Variants in AQP3 observed in about 807,000 individuals in gnomAD.
AQP3 encodes the protein aquaporin-3.
Under a neutral mutation model 30.3 loss-of-function variants are expected in AQP3, and 15 were observed. The observed-to-expected ratio is 0.49, with a 90% CI of 0.33 to 0.76. The LOEUF is 0.76. AQP3 is among the 30% of genes least tolerant of loss of function. The pLI is 0.02. For synonymous variants in AQP3, 153 were observed against 163.2 expected (o/e 0.94, Z 0.47); for missense variants, 272 against 384.8 (o/e 0.71, Z 2.45).
Position 33,442,203 on chromosome 9 carries a change from T to C in AQP3, c.719A>G (p.Gln240Arg). ...GWGSAVFTTG[Q>R]HWWWVPIVSP... The stretch of plus-strand genomic sequence containing the variant: ...CACGATGGGCACCCACCACCAATGC[T>C]GGCCGGTCCTGGGGGGACAGACACT... The change falls in exon 6 of 6, where the codon CAG (glutamine) becomes CGG (arginine). Residue 240 changes from glutamine (Q) to arginine (R), a missense_variant. Physicochemically the swap from Gln to Arg is conservative, Grantham distance 43 (BLOSUM62 1). This residue lies in a region of AQP3 where 170 missense variants were observed against 286.4 expected (regional missense o/e 0.59). Transcript: ENST00000297991. The C allele has an allele frequency of 6.2e-7, 1 of 1,611,930 alleles. No individual in the cohort carries two copies. Among genetic ancestry groups the C allele is most frequent in the Non-Finnish European group, 8.5e-7 (1 of 1,179,394 alleles).
chr9:33,447,048 C>T (rs561471772), intron 1 of AQP3, among the ~76,000 whole-genome samples: 15 of 152,328 alleles, frequency 9.8e-5, no homozygotes, highest in Non-Finnish European at 1.8e-4. Flanking sequence ...CCCTCCCCTA[C>T]ATCTGGGGGC....
chr9:33,444,656 C>T (rs1587200149), intron 1 of AQP3, among the ~76,000 whole-genome samples: 1 of 151,122 alleles, frequency 6.6e-6, no homozygotes, highest in Non-Finnish European at 1.5e-5. Flanking sequence ...GTAGTGGTGG[C>T]AATGGGCGGC....
intron 4 of AQP3, 111 bp downstream of exon 4, chr9:33,442,741 A>G (rs1263185425): frequency 4.1e-5 from 49 of 1,203,322 alleles, no homozygotes; most frequent in Non-Finnish European, 6.1e-5. Flanking sequence ...TACCCCACAG[A>G]TTGGAGAAAC....
Position 33,443,676 on chromosome 9 carries a change from C to T in AQP3, c.235+90G>A. ...CTTTCCCAAGGGGCCAAAGCAGAGGCCACAGCTGTGACCTGCCCTTAGGAA... is the reference window on the plus strand; with the variant it reads ...CTTTCCCAAGGGGCCAAAGCAGAGGTCACAGCTGTGACCTGCCCTTAGGAA... On this transcript the variant is annotated intron_variant, in intron 2 of 5. Transcript: ENST00000297991. This position sits in a 1 kb window ranked among gnomAD's most constrained non-coding sequence, Gnocchi z 5.0. 2 of 1,590,582 alleles carry T rather than the reference C, an allele frequency of 1.3e-6. No individual in the cohort carries two copies. The highest frequency in any genetic ancestry group is 1.7e-6 in the Non-Finnish European group (2 of 1,161,412).
rs1315200449 is a variant in AQP3, at chr9:33,441,557, G to A, written c.*486C>T. ...ACACAGAAACACATATCTATCTGCA[G>A]CTCCTCCATGTGAAGCCCCTGAAAC... is the stretch of plus-strand genomic sequence containing the variant. On this transcript the variant is annotated 3_prime_UTR_variant, in exon 6 of 6. Coordinates refer to ENST00000297991, the MANE Select transcript of AQP3 (RefSeq NM_004925.5). The A allele has an allele frequency of 4.9e-6, 1 of 204,234 alleles. No homozygotes were observed. Among genetic ancestry groups the A allele is most frequent in the Non-Finnish European group, 9.8e-6 (1 of 101,638 alleles). The allele number at this position is 204,234 out of a possible 1,614,324, so 12.7% of individuals were successfully genotyped here. A position where few individuals can be genotyped will look rare whatever the true frequency, so the allele number is the denominator to read the frequency against.
chr9:33,441,521 GACATAC>G lies in AQP3; in HGVS notation c.*516_*521del, dbSNP rs533076927. The stretch of plus-strand genomic sequence containing the variant: ...AAGCCCCCACTTAGAAAAAAAGGCA[GACATAC>G]ACATACACAGAAACACATATCTATC... On this transcript the variant is annotated 3_prime_UTR_variant, in exon 6 of 6. Coordinates refer to ENST00000297991, the MANE Select transcript of AQP3 (RefSeq NM_004925.5). 160 of 165,038 alleles carry G rather than the reference GACATAC, an allele frequency of 9.7e-4. No homozygotes were observed. Among genetic ancestry groups the G allele is most frequent in the African/African-American group, 3.4e-3 (143 of 42,074 alleles). 10.2% of individuals were successfully genotyped at this position (165,038 alleles called of 1,614,324 possible). A position where few individuals can be genotyped will look rare whatever the true frequency, so the allele number is the denominator to read the frequency against.
In AQP3 at chr9:33,442,498, A is replaced by G; in HGVS notation, c.513T>C (p.Leu171=). Residue 171 remains leucine (L), a synonymous_variant, in exon 5 of 6, where the codon CTT becomes CTC. Coordinates refer to ENST00000297991, the MANE Select transcript of AQP3 (RefSeq NM_004925.5). The part of the protein sequence containing the change: ...FFDQFIGTAS[L]IVCVLAIVDP... ...CAACAATGGCCAGCACACACACGATAAGGGAGGCTGTGCCTATGAACTGGG... is the reference window on the plus strand; with the variant it reads ...CAACAATGGCCAGCACACACACGATGAGGGAGGCTGTGCCTATGAACTGGG... 1 of 1,609,040 alleles carries G rather than the reference A, an allele frequency of 6.2e-7. No individual in the cohort carries two copies. Among genetic ancestry groups the G allele is most frequent in the Non-Finnish European group, 8.5e-7 (1 of 1,178,318 alleles).
chr9:33,444,564 C>T (rs1826888425), intron 1 of AQP3, among the ~76,000 whole-genome samples: 1 of 148,402 alleles, frequency 6.7e-6, no homozygotes, highest in Non-Finnish European at 1.5e-5. Context: ...TGCGCCACTG[C>T]ACTTCAGCCT....
rs574189949 is a variant in AQP3, at chr9:33,441,889, A to T, written c.*154T>A. ...GCTATTTGGGCAAGGTCCAGTGGAA[A>T]TCCTGAAGGGGCTGTCTCGTGGGGT... On this transcript the variant is annotated 3_prime_UTR_variant, in exon 6 of 6. Coordinates refer to ENST00000297991, the MANE Select transcript of AQP3 (RefSeq NM_004925.5). The T allele has an allele frequency of 4.7e-6, 6 of 1,270,844 alleles. No individual in the cohort carries two copies. The highest frequency in any genetic ancestry group is 6.5e-6 in the Non-Finnish European group (6 of 919,444). The allele number at this position is 1,270,844 out of a possible 1,614,324, so 78.7% of individuals were successfully genotyped here.
chr9:33,447,449 C>CG lies in AQP3; in HGVS notation c.81dup (p.Glu28ArgfsTer69). The CG allele has an allele frequency of 6.2e-7, 1 of 1,606,784 alleles. No homozygotes were observed. The highest frequency in any genetic ancestry group is 8.5e-7 in the Non-Finnish European group (1 of 1,177,292). On this transcript the variant is annotated frameshift_variant, in exon 1 of 6. Transcript: ENST00000297991. LOFTEE classifies it high-confidence loss of function. ...ACCAGGATGAGGGTCCCCAGGCACT[C>CG]GGCCAGCGCCTGTCGGAGCAGCCGG... is the stretch of plus-strand genomic sequence containing the variant.
intron 1 of AQP3, among the ~76,000 whole-genome samples, chr9:33,445,462 G>A (rs928848118): frequency 6.6e-6 from 1 of 152,224 alleles, no homozygotes; most frequent in African/African-American, 2.4e-5. Context: ...GCAAAGGTGT[G>A]CAGGCAGGTG....
In AQP3 at chr9:33,447,575, A is replaced by T; in HGVS notation, c.-45T>A. ...CTGTCGGGCGGGCAGGGGTGGCGGG[A>T]GGCGGTGGCGCAGCGAGCAGCGGCC... On this transcript the variant is annotated 5_prime_UTR_variant, in exon 1 of 6. Transcript: ENST00000297991. 1 of 1,470,654 alleles carries T rather than the reference A, an allele frequency of 6.8e-7. No homozygotes were observed. Among genetic ancestry groups the T allele is most frequent in the Non-Finnish European group, 9.3e-7 (1 of 1,076,520 alleles). 91.1% of individuals were successfully genotyped at this position (1,470,654 alleles called of 1,614,324 possible).
chr9:33,445,841 AC>A (rs1162044710), intron 1 of AQP3, among the ~76,000 whole-genome samples: 4 of 152,168 alleles, frequency 2.6e-5, no homozygotes, highest in African/African-American at 9.7e-5. Flanking sequence ...GCACTCACCC[AC>A]TACAAAGGGA....
chr9:33,446,190 C>T (rs1826911347), intron 1 of AQP3, among the ~76,000 whole-genome samples: 1 of 152,214 alleles, frequency 6.6e-6, no homozygotes, highest in South Asian at 2.1e-4. Flanking sequence ...AAGGCCACCT[C>T]CTATTGCCTT....
intron 1 of AQP3, among the ~76,000 whole-genome samples, chr9:33,444,764 C>A (rs1408934462): frequency 1.3e-5 from 2 of 152,006 alleles, no homozygotes; most frequent in African/African-American, 4.8e-5. Flanking sequence ...CCCTCAACAA[C>A]CTCCCCTTCC....
In AQP3 at chr9:33,441,762, C is replaced by A. The variant is rs887012172; in HGVS notation, c.*281G>T. Reference sequence around the variant, plus strand: ...ATGCACACACATGCACACACATGCACACACACACATACCTGCTGCCCATTC... The same window carrying A: ...ATGCACACACATGCACACACATGCAAACACACACATACCTGCTGCCCATTC... On this transcript the variant is annotated 3_prime_UTR_variant, in exon 6 of 6. Transcript: ENST00000297991. 1.2e-5 allele frequency: 7 copies of A among 582,942 alleles called. No homozygotes were observed. Among genetic ancestry groups the A allele is most frequent in the Non-Finnish European group, 2.1e-5 (7 of 330,640 alleles). The allele number at this position is 582,942 out of a possible 1,614,324, so 36.1% of individuals were successfully genotyped here.
chr9:33,442,729 GT>G, intron 4 of AQP3, 122 bp downstream of exon 4: 15 of 1,148,308 alleles, frequency 1.3e-5, no homozygotes, highest in Non-Finnish European at 1.8e-5. Context: ...TCTGATGCGG[GT>G]TACCCCACAG....
At chr9:33,445,547 G>A (rs752080227) in intron 1 of AQP3, among the ~76,000 whole-genome samples, 19 of 152,144 alleles carry the variant, frequency 1.2e-4, no homozygotes, top group South Asian at 8.3e-4. Context: ...GGTCTGAGGC[G>A]CCCTGCCCTG....
In AQP3 at chr9:33,441,644, C is replaced by G. The variant is rs984124565; in HGVS notation, c.*399G>C. The G allele has an allele frequency of 1.0e-5, 4 of 382,494 alleles. No homozygotes were observed. The highest frequency in any genetic ancestry group is 2.0e-5 in the African/African-American group (1 of 48,988). 23.7% of individuals were successfully genotyped at this position (382,494 alleles called of 1,614,324 possible). On this transcript the variant is annotated 3_prime_UTR_variant, in exon 6 of 6. Transcript: ENST00000297991. ...ATGGACAGGCTGCCTTCCCCTGTCT[C>G]TGGGCTCCCCCAATAGCCAGAATCC...
Sources: gnomAD v4.1 joint callset for allele counts (sites outside exome capture counted in the v4.1 genomes callset) on GRCh38, gnomAD v4.1.1 for gene constraint, gnomAD v4.1.1 regional missense constraint, Gnocchi (gnomAD v3.1) non-coding constraint, MANE v1.5 for transcripts, NCBI Gene and HGNC (gene_info 2026-07-23, HGNC 2026-07-21) for gene names.